RBM6: variants seen among roughly 807,000 people sequenced by gnomAD.
RBM6 encodes the protein RNA binding motif protein 6, also known as RNA-binding protein 6.
Under a neutral mutation model 140.4 loss-of-function variants are expected in RBM6, and 23 were observed. That is an observed-to-expected ratio of 0.16 (90% confidence interval 0.12 to 0.23). The LOEUF is 0.23. RBM6 is among the 10% of genes least tolerant of loss of function. The pLI is 1.00. For missense variants in RBM6, 1,139 were observed against 1,386.7 expected (o/e 0.82, Z 2.84); for synonymous variants, 439 against 475.6 (o/e 0.92, Z 1.00).
At chr3:50,039,026 C>G (rs1298923894) in intron 6 of RBM6, among the ~76,000 whole-genome samples, 1 of 151,892 alleles carries the variant, frequency 6.6e-6, no homozygotes, top group African/African-American at 2.4e-5. Context: ...CAAGCTGTAT[C>G]TTGTTTCTGT....
At chr3:50,042,476 T>C (rs1041921009) in intron 6 of RBM6, among the ~76,000 whole-genome samples, 1 of 152,196 alleles carries the variant, frequency 6.6e-6, no homozygotes, top group Non-Finnish European at 1.5e-5. Flanking sequence ...CTCACGCCTG[T>C]AATCTCAACA....
At chr3:49,987,794 A>G (rs924987367) in intron 5 of RBM6, among the ~76,000 whole-genome samples, 1 of 151,974 alleles carries the variant, frequency 6.6e-6, no homozygotes, top group African/African-American at 2.4e-5. Flanking sequence ...GCCTGCCACT[A>G]TGCCCAGCTA....
intron 5 of RBM6, among the ~76,000 whole-genome samples, chr3:49,986,486 T>C (rs967516283): frequency 2.0e-5 from 3 of 151,102 alleles, no homozygotes; most frequent in African/African-American, 7.3e-5. Context: ...TCCCAGCTAA[T>C]TGGGAGGCTG....
intron 6 of RBM6, among the ~76,000 whole-genome samples, chr3:50,031,924 G>A (rs11130240): frequency 0.079 from 12,015 of 152,196 alleles, 527 homozygotes; most frequent in African/African-American, 0.1. Flanking sequence ...CACATTGCAT[G>A]CCTGTATCAA....
intron 6 of RBM6, among the ~76,000 whole-genome samples, chr3:50,023,963 A>G (rs888995251): frequency 2.0e-5 from 3 of 152,090 alleles, no homozygotes; most frequent in Non-Finnish European, 4.4e-5. Flanking sequence ...TGATATTTTT[A>G]ATAAAACAAG....
intron 7 of RBM6, among the ~76,000 whole-genome samples, chr3:50,051,239 C>T (rs1169610840): frequency 1.3e-5 from 2 of 152,128 alleles, no homozygotes; most frequent in Non-Finnish European, 2.9e-5. Flanking sequence ...ACTAAGCAGG[C>T]TGAGGTGGGA....
chr3:50,059,336 T>C, intron 10 of RBM6: 1 of 184,714 alleles, frequency 5.4e-6, no homozygotes, highest in Non-Finnish European at 1.1e-5. Flanking sequence ...TTTTTCATGC[T>C]CAAAAGTCAC....
intron 10 of RBM6, 53 bp from the exon 11 acceptor site, chr3:50,059,596 C>A (rs772141183): frequency 3.4e-6 from 5 of 1,457,304 alleles, no homozygotes; most frequent in Non-Finnish European, 4.7e-6. Flanking sequence ...ATTTTTCTGT[C>A]TTTGGGTTCT....
At chr3:50,002,173 C>T (rs1488423177) in intron 6 of RBM6, among the ~76,000 whole-genome samples, 1 of 151,810 alleles carries the variant, frequency 6.6e-6, no homozygotes, top group Non-Finnish European at 1.5e-5. Flanking sequence ...CTGCAACCTC[C>T]GCCACCCGGG....
At chr3:49,991,534 C>T (rs553355813) in intron 5 of RBM6, among the ~76,000 whole-genome samples, 1 of 152,234 alleles carries the variant, frequency 6.6e-6, no homozygotes, top group South Asian at 2.1e-4. Context: ...TCCTATCACC[C>T]TTATCACTCA....
chr3:50,052,198 G>A (rs2089497047), intron 7 of RBM6, among the ~76,000 whole-genome samples: 1 of 152,158 alleles, frequency 6.6e-6, no homozygotes, highest in Non-Finnish European at 1.5e-5. Flanking sequence ...CCAAGTAGCT[G>A]GGATTACAGG....
chr3:50,006,240 A>G (rs1238700982), intron 6 of RBM6, among the ~76,000 whole-genome samples: 1 of 148,668 alleles, frequency 6.7e-6, no homozygotes, highest in Admixed American at 6.8e-5. Context: ...GGTTCAAGTG[A>G]TTCTCCTGCC....
intron 1 of RBM6, among the ~76,000 whole-genome samples, chr3:49,945,186 T>C (rs1376375287): frequency 6.6e-6 from 1 of 150,630 alleles, no homozygotes; most frequent in East Asian, 1.9e-4. Flanking sequence ...ATTTTTTTTT[T>C]TTTTTTTTTT....
intron 5 of RBM6, among the ~76,000 whole-genome samples, chr3:49,982,919 C>A (rs1447517712): frequency 6.6e-6 from 1 of 152,018 alleles, no homozygotes; most frequent in Non-Finnish European, 1.5e-5. Flanking sequence ...ACCATGTTGG[C>A]CAGGCTGGTT....
intron 3 of RBM6, among the ~76,000 whole-genome samples, chr3:49,968,982 T>TC (rs1396717329): frequency 6.6e-6 from 1 of 150,818 alleles, no homozygotes; most frequent in Non-Finnish European, 1.5e-5. Flanking sequence ...TTTTTTTTTT[T>TC]TCTTTAAATA....
intron 6 of RBM6, among the ~76,000 whole-genome samples, chr3:50,008,942 T>C (rs2086709690): frequency 6.6e-6 from 1 of 152,006 alleles, no homozygotes; most frequent in Non-Finnish European, 1.5e-5. Context: ...GAGGTTAGAG[T>C]ATGTAGTATA....
intron 9 of RBM6, 70 bp downstream of exon 9, chr3:50,058,073 TC>T: frequency 6.5e-6 from 10 of 1,530,420 alleles, no homozygotes; most frequent in Non-Finnish European, 8.8e-6. Flanking sequence ...CAATGTTATG[TC>T]CGGGAGCTAT....
chr3:50,057,894 A>T lies in RBM6; in HGVS notation c.1860A>T (p.Arg620Ser). ...GQESRLGHQK[R>S]EAERYLPPSR... ...AGTCACGCTTAGGACATCAAAAGAG[A>T]GAAGCAGAAAGGTATCTGCCTCCTT... The change falls in exon 9 of 21, where the codon AGA becomes AGT. Residue 620 changes from arginine (R) to serine (S), a missense_variant. By Grantham distance (110) the Arg-to-Ser change is moderately radical. This residue lies in a region of RBM6 where 109 missense variants were observed against 101.9 expected (regional missense o/e 1.07). Transcript: ENST00000266022. 6.2e-7 allele frequency: 1 copy of T among 1,614,162 alleles called. No homozygotes were observed. The highest frequency in any genetic ancestry group is 8.5e-7 in the Non-Finnish European group (1 of 1,180,032).
intron 6 of RBM6, among the ~76,000 whole-genome samples, chr3:50,025,587 ATTT>A (rs761261742): frequency 1.6e-5 from 2 of 124,446 alleles, no homozygotes. Context: ...TACAACTTTA[ATTT>A]TTTTTTTTTT....
Sources: allele counts gnomAD v4.1 joint callset (sites outside exome capture counted in the v4.1 genomes callset), GRCh38; gene constraint gnomAD v4.1.1; regional missense constraint gnomAD v4.1.1; transcripts MANE v1.5; gene names NCBI Gene and HGNC (gene_info 2026-07-23, HGNC 2026-07-21).